Variants in SMYD3 observed in about 807,000 individuals in gnomAD.
SMYD3 encodes the protein SET and MYND domain containing 3, also known as histone-lysine N-methyltransferase SMYD3.
In SMYD3, 36 loss-of-function variants were observed where a neutral mutation model predicts 57.7. The observed-to-expected ratio is 0.62, with a 90% CI of 0.48 to 0.82. The LOEUF (loss-of-function observed/expected upper bound fraction) is 0.82, where lower values mean the gene tolerates loss of function less well. Ranked by LOEUF, SMYD3 falls within the 40% of genes least tolerant of loss-of-function variation. The pLI, the probability that SMYD3 is intolerant of heterozygous loss-of-function variation, is 0.00. For missense variants in SMYD3, 515 were observed against 538.8 expected, an observed-to-expected ratio of 0.96 and a Z score of 0.44; for synonymous variants, 211 against 195.0, an observed-to-expected ratio of 1.08 and a Z score of -0.68.
At chr1:246,313,247 C>T (rs546381156) in intron 5 of SMYD3, among the ~76,000 whole-genome samples, 12 of 152,204 alleles carry the variant, frequency 7.9e-5, no homozygotes, top group African/African-American at 2.9e-4. Flanking sequence ...AAATGGGAAA[C>T]AAGAAAACCC....
rs571174939 is a variant in SMYD3, at chr1:245,814,708, C to T, written c.1076+43788G>A. On this transcript the variant is annotated intron_variant, in intron 10 of 11. Coordinates refer to ENST00000490107, the MANE Select transcript of SMYD3 (RefSeq NM_001167740.2). Reference sequence around the variant, plus strand: ...GCTAAGAGCTCCGATGAGGAATAAACTTTAAGATCTTCTACTAGACAGAAT... The same window carrying T: ...GCTAAGAGCTCCGATGAGGAATAAATTTTAAGATCTTCTACTAGACAGAAT... 2.0e-5 allele frequency among the ~76,000 whole-genome samples: 3 copies of T among 152,252 alleles called. No homozygotes were observed. In the South Asian group the frequency reaches 6.2e-4, roughly 32 times the overall value.
intron 5 of SMYD3, among the ~76,000 whole-genome samples, chr1:246,016,457 C>G (rs2059378420): frequency 6.6e-6 from 1 of 151,958 alleles, no homozygotes; most frequent in Non-Finnish European, 1.5e-5. Flanking sequence ...GTGGCATGTG[C>G]CTGTAATCCC....
chr1:246,396,972 A>G (rs945614911), intron 1 of SMYD3, among the ~76,000 whole-genome samples: 2 of 152,240 alleles, frequency 1.3e-5, no homozygotes. Flanking sequence ...TTTACCAAGC[A>G]TGGCTGAAGA....
intron 1 of SMYD3, among the ~76,000 whole-genome samples, chr1:246,498,378 G>A (rs1037204225): frequency 6.6e-6 from 1 of 152,180 alleles, no homozygotes; most frequent in African/African-American, 2.4e-5. Flanking sequence ...ACTGATAGTA[G>A]AGTGATTTCC....
intron 5 of SMYD3, among the ~76,000 whole-genome samples, chr1:246,253,997 C>T (rs2148505497): frequency 6.6e-6 from 1 of 152,242 alleles, no homozygotes; most frequent in South Asian, 2.1e-4. Context: ...TTTTTCTCTG[C>T]TGCCTCACCA....
chr1:246,087,729 T>A (rs2060743371), intron 5 of SMYD3, among the ~76,000 whole-genome samples: 1 of 152,152 alleles, frequency 6.6e-6, no homozygotes, highest in Admixed American at 6.5e-5. Context: ...ACAAACACAA[T>A]TTGCAAAGCA....
chr1:246,100,667 G>A (rs777775284), intron 5 of SMYD3, among the ~76,000 whole-genome samples: 8 of 152,118 alleles, frequency 5.3e-5, no homozygotes, highest in South Asian at 2.1e-4. Flanking sequence ...GCTCTGCCAC[G>A]TCCTCTTTCC....
chr1:246,397,716 A>G (rs930830825), intron 1 of SMYD3, among the ~76,000 whole-genome samples: 4 of 152,090 alleles, frequency 2.6e-5, no homozygotes, highest in Admixed American at 6.6e-5. Flanking sequence ...CAGCCAAGCA[A>G]AAGAACAGGA....
chr1:246,374,011 G>A (rs1257724581), intron 1 of SMYD3, among the ~76,000 whole-genome samples: 2 of 152,100 alleles, frequency 1.3e-5, no homozygotes. Context: ...AGTGGGCACT[G>A]TCCATTGTTT....
At chr1:246,303,237 A>C (rs1558388863) in intron 5 of SMYD3, among the ~76,000 whole-genome samples, 1 of 152,194 alleles carries the variant, frequency 6.6e-6, no homozygotes, top group African/African-American at 2.4e-5. Context: ...TGAGGAGTGC[A>C]TGAGTTGATA....
At chr1:246,392,391 C>T (rs965878558) in intron 1 of SMYD3, among the ~76,000 whole-genome samples, 1 of 152,094 alleles carries the variant, frequency 6.6e-6, no homozygotes, top group Non-Finnish European at 1.5e-5. Flanking sequence ...GTGTCAGGTA[C>T]TGTGCTAAGT....
chr1:246,234,736 C>G (rs953948027), intron 5 of SMYD3, among the ~76,000 whole-genome samples: 2 of 152,272 alleles, frequency 1.3e-5, no homozygotes, highest in Middle Eastern at 3.4e-3. Flanking sequence ...CATAACAAAC[C>G]ATGGTGCACT....
chr1:245,976,957 TAGGGAAAGCCATCGTCTCCGGCCC>T lies in SMYD3; in HGVS notation c.532-47044_532-47021del, dbSNP rs1558551052. On this transcript the variant is annotated intron_variant, in intron 5 of 11. Transcript: ENST00000490107. Reference sequence around the variant, plus strand: ...CTAGGGAAAGCCATCGTCTCTAGCCTAGGGAAAGCCATCGTCTCCGGCCCAGGGAAAGCCATCGTCTCTAGCCCA... The same window carrying T: ...CTAGGGAAAGCCATCGTCTCTAGCCTAGGGAAAGCCATCGTCTCTAGCCCA... 9.5e-3 allele frequency among the ~76,000 whole-genome samples: 202 copies of T among 21,282 alleles called. 41 individuals are homozygous for T. Among genetic ancestry groups the T allele is most frequent in the Middle Eastern group, 0.079 (3 of 38 alleles). 14.0% of individuals were successfully genotyped at this position (21,282 alleles called of 152,430 possible).
intron 7 of SMYD3, among the ~76,000 whole-genome samples, chr1:245,924,638 C>G (rs2056229966): frequency 1.4e-5 from 2 of 144,784 alleles, no homozygotes; most frequent in Non-Finnish European, 3.0e-5. Context: ...TTGTAAATGT[C>G]TGAGACTCTA....
At chr1:246,499,930 A>T (rs576099612) in intron 1 of SMYD3, among the ~76,000 whole-genome samples, 123 of 152,312 alleles carry the variant, frequency 8.1e-4, no homozygotes, top group African/African-American at 2.7e-3. Flanking sequence ...TCCTGAGACT[A>T]AAAGGTCTGA....
At chr1:246,220,308 G>A (rs978804124) in intron 5 of SMYD3, among the ~76,000 whole-genome samples, 1 of 64,140 alleles carries the variant, frequency 1.6e-5, no homozygotes, top group Non-Finnish European at 3.3e-5. Flanking sequence ...GACCCCACCC[G>A]CCCCACCCGC....
chr1:245,749,702 A>G, intron 11 of SMYD3, 38 bp from the exon 12 acceptor site: 1 of 1,542,758 alleles, frequency 6.5e-7, no homozygotes, highest in Non-Finnish European at 9.0e-7. Context: ...AGACCCCAAA[A>G]TAGGTGAGCT....
chr1:246,329,366 T>G (rs1245345879), intron 4 of SMYD3, among the ~76,000 whole-genome samples: 1 of 152,212 alleles, frequency 6.6e-6, no homozygotes, highest in Admixed American at 6.5e-5. Context: ...TTTCCTGACT[T>G]TTTAATGATT....
intron 5 of SMYD3, among the ~76,000 whole-genome samples, chr1:246,269,307 TA>T (rs2064170845): frequency 6.6e-6 from 1 of 152,240 alleles, no homozygotes; most frequent in African/African-American, 2.4e-5. Flanking sequence ...GAACGGCTTC[TA>T]AGTTATCACT....
Sources: gnomAD v4.1 joint callset for allele counts (sites outside exome capture counted in the v4.1 genomes callset) on GRCh38, gnomAD v4.1.1 for gene constraint, MANE v1.5 for transcripts, NCBI Gene and HGNC (gene_info 2026-07-23, HGNC 2026-07-21) for gene names.